Variants in FRY observed in about 807,000 individuals in gnomAD.
The protein encoded by FRY is FRY microtubule binding protein, also known as protein furry homolog.
Under a neutral mutation model 348.4 loss-of-function variants are expected in FRY, and 128 were observed. The observed-to-expected ratio is 0.37, with a 90% confidence interval of 0.32 to 0.43. FRY has a LOEUF of 0.43. Ranked by LOEUF, FRY falls within the 20% of genes least tolerant of loss-of-function variation. The pLI, the probability that FRY is intolerant of heterozygous loss-of-function variation, is 1.00. For synonymous variants in FRY, 1,370 were observed against 1,374.7 expected (o/e 1.00, Z 0.08); for missense variants, 2,736 against 3,695.2 (o/e 0.74, Z 6.73).
chr13:32,278,843 T>A (rs1272960081), intron 58 of FRY, among the ~76,000 whole-genome samples: 1 of 152,236 alleles, frequency 6.6e-6, no homozygotes, highest in Admixed American at 6.5e-5. Flanking sequence ...ATTCAGATTA[T>A]AAGGCCAAAT....
intron 17 of FRY, among the ~76,000 whole-genome samples, chr13:32,167,105 A>G (rs1325841560): frequency 6.6e-6 from 1 of 152,166 alleles, no homozygotes; most frequent in Non-Finnish European, 1.5e-5. Context: ...AATCAATCTC[A>G]TTTGGAAAGC....
At chr13:32,214,289 G>T (rs932144541) in intron 35 of FRY, among the ~76,000 whole-genome samples, 6 of 152,142 alleles carry the variant, frequency 3.9e-5, no homozygotes, top group African/African-American at 1.4e-4. Flanking sequence ...TTAACCACCA[G>T]ATTTTAATTC....
At chr13:32,059,138 C>T (rs1289720332) in intron 1 of FRY, among the ~76,000 whole-genome samples, 1 of 151,892 alleles carries the variant, frequency 6.6e-6, no homozygotes, top group East Asian at 1.9e-4. Flanking sequence ...CTTCACTTCC[C>T]TTAGTATCTA....
chr13:32,227,283 G>T (rs768287268), intron 39 of FRY, among the ~76,000 whole-genome samples: 1 of 152,128 alleles, frequency 6.6e-6, no homozygotes, highest in Non-Finnish European at 1.5e-5. Context: ...AACTATAGTT[G>T]CTTTAAATAC....
chr13:32,033,786 G>A (rs1402530068), intron 1 of FRY, among the ~76,000 whole-genome samples: 1 of 152,156 alleles, frequency 6.6e-6, no homozygotes, highest in Admixed American at 6.5e-5. Flanking sequence ...ATTCTTTTGA[G>A]GGGGAGAATG....
chr13:32,220,964 A>G (rs1199074512), intron 36 of FRY, among the ~76,000 whole-genome samples: 1 of 152,084 alleles, frequency 6.6e-6, no homozygotes, highest in East Asian at 1.9e-4. Flanking sequence ...TCTGCTTTAA[A>G]TTTTTTCCAG....
At chr13:32,075,275 A>G (rs1874972565) in intron 1 of FRY, among the ~76,000 whole-genome samples, 1 of 152,166 alleles carries the variant, frequency 6.6e-6, no homozygotes, top group African/African-American at 2.4e-5. Flanking sequence ...CCTTTCTGTG[A>G]GACTTAAGGT....
chr13:32,181,518 C>T (rs930010552), intron 23 of FRY, among the ~76,000 whole-genome samples: 3 of 139,340 alleles, frequency 2.2e-5, no homozygotes, highest in Non-Finnish European at 3.0e-5. Context: ...AGCTTGAACC[C>T]GGGAGGCAGA....
At chr13:32,286,362 A>T (rs988480490) in intron 58 of FRY, among the ~76,000 whole-genome samples, 8 of 151,468 alleles carry the variant, frequency 5.3e-5, no homozygotes, top group East Asian at 3.9e-4. Context: ...AATTTGATTT[A>T]AAAAAAAATA....
chr13:32,234,528 C>A, intron 41 of FRY, 46 bp from the exon 42 acceptor site: 1 of 1,531,772 alleles, frequency 6.5e-7, no homozygotes, highest in Non-Finnish European at 9.0e-7. Flanking sequence ...TGCCCCAGAG[C>A]ATGTAGAGTA....
In FRY at chr13:32,182,957, T is replaced by A. The variant is rs369652279; in HGVS notation, c.2997-20T>A. The A allele has an allele frequency of 1.3e-6, 2 of 1,546,242 alleles. No homozygotes were observed. Among genetic ancestry groups the A allele is most frequent in the African/African-American group, 1.4e-5 (1 of 73,562 alleles). The stretch of plus-strand genomic sequence containing the variant: ...GTGTCAAAAACAATGAATTTCAAAT[T>A]TGACCTTTTTCCTCCACAGAGAATT... On this transcript the variant is annotated intron_variant, in intron 23 of 60. Coordinates refer to ENST00000542859, the MANE Select transcript of FRY (RefSeq NM_023037.3).
chr13:32,182,077 G>A (rs1327540343), intron 23 of FRY, among the ~76,000 whole-genome samples: 4 of 152,086 alleles, frequency 2.6e-5, no homozygotes, highest in Admixed American at 2.6e-4. Context: ...GGATTTTCCT[G>A]GCTAGTGATG....
At chr13:32,101,674 A>G (rs528675344) in intron 2 of FRY, among the ~76,000 whole-genome samples, 6 of 152,316 alleles carry the variant, frequency 3.9e-5, no homozygotes, top group Non-Finnish European at 7.4e-5. Context: ...GACAGGTATG[A>G]GGTGATATCT....
intron 1 of FRY, among the ~76,000 whole-genome samples, chr13:32,065,628 T>C (rs1484754992): frequency 1.3e-5 from 2 of 151,662 alleles, no homozygotes; most frequent in Non-Finnish European, 2.9e-5. Context: ...TTAGAGAGAG[T>C]CTCACCCTGT....
At chr13:32,276,708 G>A in intron 57 of FRY, 146 bp downstream of exon 57, 1 of 684,614 alleles carries the variant, frequency 1.5e-6, no homozygotes. Flanking sequence ...CAATTTAATG[G>A]TGGTAGAACT....
At position 32,124,632 on chromosome 13, in the gene FRY, A is replaced by G; in HGVS notation, c.586A>G (p.Ile196Val). The change falls in exon 6 of 61, where the codon ATA becomes GTA. Residue 196 changes from isoleucine (I) to valine (V), a missense_variant. Coordinates refer to ENST00000542859, the MANE Select transcript of FRY (RefSeq NM_023037.3). ...ACTTCATCCTGTAATAGACAGTTTA[A>G]TACATGATGTTATTAACTTGGCTTT... ...IPLHPVIDSL[I>V]HDVINLAFKH... 1 of 1,598,344 alleles carries G rather than the reference A, an allele frequency of 6.3e-7. No homozygotes were observed. Among genetic ancestry groups the G allele is most frequent in the Non-Finnish European group, 8.6e-7 (1 of 1,165,840 alleles).
rs2072091502 is a variant in FRY at position 32,297,989 on chromosome 13, T to C, written c.*2529T>C. 6.6e-6 allele frequency: 1 copy of C among 152,242 alleles called. No individual in the cohort carries two copies. Among genetic ancestry groups the C allele is most frequent in the African/African-American group, 2.4e-5 (1 of 41,470 alleles). 9.4% of individuals were successfully genotyped at this position (152,242 alleles called of 1,614,324 possible). A position where few individuals can be genotyped will look rare whatever the true frequency, so the allele number is the denominator to read the frequency against. Reference sequence around the variant, plus strand: ...CTTAGACATCACTTGATTAAAATTATAGTCTCCAAATATAGTGTTTTAGAA... The same window carrying C: ...CTTAGACATCACTTGATTAAAATTACAGTCTCCAAATATAGTGTTTTAGAA... On this transcript the variant is annotated 3_prime_UTR_variant, in exon 61 of 61. Coordinates refer to ENST00000542859, the MANE Select transcript of FRY (RefSeq NM_023037.3).
chr13:32,105,128 G>A (rs1277317359), intron 3 of FRY, among the ~76,000 whole-genome samples: 2 of 152,200 alleles, frequency 1.3e-5, no homozygotes, highest in Non-Finnish European at 2.9e-5. Context: ...GTTCAAATGT[G>A]TACCCTCCAA....
intron 23 of FRY, among the ~76,000 whole-genome samples, chr13:32,181,633 G>A (rs1882718597): frequency 6.8e-6 from 1 of 148,052 alleles, no homozygotes; most frequent in Non-Finnish European, 1.5e-5. Context: ...AACAATCCCT[G>A]AAATTACCCA....
Sources: allele counts gnomAD v4.1 joint callset (sites outside exome capture counted in the v4.1 genomes callset), GRCh38; gene constraint gnomAD v4.1.1; transcripts MANE v1.5; gene names NCBI Gene and HGNC (gene_info 2026-07-23, HGNC 2026-07-21).